Variants in UNC13A observed in about 807,000 individuals in gnomAD.
UNC13A encodes protein unc-13 homolog A.
In UNC13A, 61 loss-of-function variants were observed where a neutral mutation model predicts 219.7. The observed-to-expected ratio is 0.28, with a 90% confidence interval of 0.23 to 0.34. The LOEUF is 0.34. UNC13A is among the 10% of genes least tolerant of loss of function. The pLI is 1.00. For missense variants in UNC13A, 1,476 were observed against 2,270.3 expected (o/e 0.65, Z 7.11); for synonymous variants, 920 against 884.6 (o/e 1.04, Z -0.71).
chr19:17,654,053 T>C (rs191432510), intron 11 of UNC13A, among the ~76,000 whole-genome samples: 2 of 151,532 alleles, frequency 1.3e-5, no homozygotes, highest in African/African-American at 4.8e-5. Flanking sequence ...GGTCTCGATC[T>C]CCTGACCTCG....
chr19:17,639,782 C>T, intron 23 of UNC13A, 58 bp downstream of exon 23: 1 of 1,591,592 alleles, frequency 6.3e-7, no homozygotes, highest in Non-Finnish European at 8.6e-7. Context: ...GGTAGCTTTC[C>T]CCTCCAGGCA....
chr19:17,606,654 G>T (rs1029059493), intron 43 of UNC13A, among the ~76,000 whole-genome samples: 2 of 151,122 alleles, frequency 1.3e-5, no homozygotes, highest in Non-Finnish European at 2.9e-5. Flanking sequence ...ACACCGCCCT[G>T]CAAGGCCATG....
chr19:17,684,348 C>T (rs2080070702), intron 1 of UNC13A, among the ~76,000 whole-genome samples: 1 of 152,150 alleles, frequency 6.6e-6, no homozygotes, highest in Non-Finnish European at 1.5e-5. Flanking sequence ...CTCCCTTAGC[C>T]CTCCCTCATC....
intron 19 of UNC13A, among the ~76,000 whole-genome samples, chr19:17,644,992 C>T (rs1191987939): frequency 6.7e-6 from 1 of 149,260 alleles, no homozygotes; most frequent in Admixed American, 6.7e-5. Context: ...CACTGCCCGG[C>T]GCCCCCAGCC....
intron 12 of UNC13A, among the ~76,000 whole-genome samples, chr19:17,652,413 T>C (rs1409643360): frequency 6.6e-6 from 1 of 152,184 alleles, no homozygotes; most frequent in Non-Finnish European, 1.5e-5. Flanking sequence ...ATTACAGGCA[T>C]GAGCCACCGC....
At chr19:17,612,416 G>A (rs1475863833) in intron 41 of UNC13A, among the ~76,000 whole-genome samples, 1 of 152,110 alleles carries the variant, frequency 6.6e-6, no homozygotes, top group South Asian at 2.1e-4. Context: ...ACATCCAGAA[G>A]CAGAGCCATG....
chr19:17,607,755 T>C (rs1345581161), intron 43 of UNC13A, among the ~76,000 whole-genome samples: 3 of 151,590 alleles, frequency 2.0e-5, no homozygotes, highest in Non-Finnish European at 2.9e-5. Flanking sequence ...CCTAAGAACA[T>C]CCAACAACAT....
chr19:17,634,391 T>C (rs575649781), intron 26 of UNC13A, among the ~76,000 whole-genome samples: 1 of 152,174 alleles, frequency 6.6e-6, no homozygotes, highest in Non-Finnish European at 1.5e-5. Flanking sequence ...CAGGCTGGAG[T>C]GCAGTGGTGC....
Position 17,626,718 on chromosome 19 carries a change from C to T in UNC13A, c.3988G>A (p.Gly1330Ser). The change falls in exon 34 of 44, where the codon GGC (glycine) becomes AGC (serine). Residue 1330 changes from glycine (G) to serine (S), a missense_variant. By Grantham distance (56) the Gly-to-Ser change is moderately conservative. Transcript: ENST00000519716. ...GDILSQVKGT[G>S]NVPASACSSV... ...CTGCAGGCACTGGCTGGCACATTGCCTGTGCCCTTAACCTGGCTAAGGATG... is the reference window on the plus strand; with the variant it reads ...CTGCAGGCACTGGCTGGCACATTGCTTGTGCCCTTAACCTGGCTAAGGATG... 5 of 1,609,436 alleles carry T rather than the reference C, an allele frequency of 3.1e-6. No homozygotes were observed. Among genetic ancestry groups the T allele is most frequent in the Non-Finnish European group, 4.2e-6 (5 of 1,178,198 alleles).
intron 8 of UNC13A, among the ~76,000 whole-genome samples, chr19:17,658,757 T>C (rs1191876189): frequency 6.6e-6 from 1 of 152,188 alleles, no homozygotes; most frequent in Non-Finnish European, 1.5e-5. Context: ...ACCCCAGACC[T>C]GAACTTAACA....
At position 17,630,647 on chromosome 19, in the gene UNC13A, T is replaced by G; in HGVS notation, c.3525+7A>C. The G allele has an allele frequency of 6.2e-7, 1 of 1,613,948 alleles. No homozygotes were observed. Among genetic ancestry groups the G allele is most frequent in the Non-Finnish European group, 8.5e-7 (1 of 1,179,830 alleles). The stretch of plus-strand genomic sequence containing the variant: ...TTAGGAACTTGGTTGTGGGTGGGCC[T>G]TCTTACCCCATCCTTCTTGTCTCGC... On this transcript the variant is annotated splice_region_variant and intron_variant, in intron 29 of 43. Transcript: ENST00000519716.
At chr19:17,646,269 G>GTGTT (rs3049772) in intron 17 of UNC13A, among the ~76,000 whole-genome samples, 158 bp from the exon 18 acceptor site, 36,306 of 150,738 alleles carry the variant, frequency 0.24, 4,762 homozygotes, top group African/African-American at 0.36. Context: ...GGTTTTTTGT[G>GTGTT]TGTTTGTTTG....
rs74597137 is a variant in UNC13A at position 17,683,173 on chromosome 19, T to G, written c.22+5005A>C. Among the ~76,000 whole-genome samples, 59 of 152,260 alleles carry G rather than the reference T, an allele frequency of 3.9e-4. No individual in the cohort carries two copies. In the East Asian group the frequency reaches 9.7e-3, roughly 25 times the overall value. On this transcript the variant is annotated intron_variant, in intron 1 of 43. Coordinates refer to ENST00000519716, the MANE Select transcript of UNC13A (RefSeq NM_001080421.3). ...CTGGGGTCTGAGAGAAGGCTCAAAC[T>G]TCTGCCAACCCCAGTAGGCTCTAGA...
intron 40 of UNC13A, 141 bp downstream of exon 40, chr19:17,618,280 C>A (rs542839327): frequency 8.6e-6 from 8 of 932,326 alleles, no homozygotes; most frequent in Middle Eastern, 3.0e-4. Context: ...GCCAGCCCAG[C>A]TCTGGCACAG....
intron 42 of UNC13A, among the ~76,000 whole-genome samples, chr19:17,611,484 T>A (rs1049747416): frequency 2.0e-5 from 3 of 152,230 alleles, no homozygotes; most frequent in Non-Finnish European, 2.9e-5. Context: ...GGCCTAATTC[T>A]GTCTTATTTA....
intron 36 of UNC13A, 124 bp from the exon 37 acceptor site, chr19:17,621,994 T>C (rs2076734010): frequency 1.0e-6 from 1 of 958,082 alleles, no homozygotes; most frequent in African/African-American, 1.6e-5. Context: ...GGTGACTGGG[T>C]TGCATGGGGA....
intron 42 of UNC13A, among the ~76,000 whole-genome samples, chr19:17,610,721 C>T (rs1338620711): frequency 6.6e-6 from 1 of 152,086 alleles, no homozygotes; most frequent in Non-Finnish European, 1.5e-5. Context: ...CTTTGTGACC[C>T]TATAGTGGAG....
intron 1 of UNC13A, among the ~76,000 whole-genome samples, chr19:17,684,532 G>C (rs2145936299): frequency 6.6e-6 from 1 of 152,324 alleles, no homozygotes; most frequent in East Asian, 1.9e-4. Context: ...ACAGCCTCAG[G>C]ATCCTGCCAA....
At chr19:17,641,620 A>G in intron 20 of UNC13A, 64 bp from the exon 21 acceptor site, 1 of 1,556,418 alleles carries the variant, frequency 6.4e-7, no homozygotes, top group Non-Finnish European at 8.8e-7. Context: ...CAGAGGTCCC[A>G]GGGTCTGGGG....
Sources: gnomAD v4.1 joint callset for allele counts (sites outside exome capture counted in the v4.1 genomes callset) on GRCh38, gnomAD v4.1.1 for gene constraint, MANE v1.5 for transcripts, NCBI Gene and HGNC (gene_info 2026-07-23, HGNC 2026-07-21) for gene names.